The following KIF6 variants were observed in gnomAD, a reference collection of about 807,000 sequenced individuals.
The protein encoded by KIF6 is kinesin family member 6.
KIF6 carries 106 observed loss-of-function variants against 112.7 expected under a neutral mutation model. That is an observed-to-expected ratio of 0.94 (90% CI 0.80 to 1.11). The LOEUF is 1.11. KIF6 is among the 50% of genes least tolerant of loss of function. The pLI, the probability that KIF6 is intolerant of heterozygous loss-of-function variation, is 0.00. For synonymous variants in KIF6, 339 were observed against 339.9 expected, an observed-to-expected ratio of 1.00 and a Z score of 0.03; for missense variants, 929 against 964.0, an observed-to-expected ratio of 0.96 and a Z score of 0.48.
At chr6:39,618,945 A>G (rs1036349346) in intron 5 of KIF6, among the ~76,000 whole-genome samples, 5 of 152,340 alleles carry the variant, frequency 3.3e-5, no homozygotes, top group Non-Finnish European at 7.3e-5. Context: ...TCTTTCTGAA[A>G]TGCACAAAAC....
intron 13 of KIF6, among the ~76,000 whole-genome samples, chr6:39,486,003 G>A (rs1009411475): frequency 3.3e-5 from 5 of 152,176 alleles, no homozygotes; most frequent in African/African-American, 9.7e-5. Context: ...TGTGGGATTC[G>A]AATTCAGACA....
intron 10 of KIF6, among the ~76,000 whole-genome samples, chr6:39,563,635 G>A (rs1056933877): frequency 4.6e-5 from 7 of 152,084 alleles, no homozygotes; most frequent in Non-Finnish European, 8.8e-5. Context: ...TGTGTCCTTA[G>A]GGACAAATTT....
In KIF6 at chr6:39,369,208, C is replaced by T. The variant is rs141156097; in HGVS notation, c.1862-6690G>A. 4.6e-3 allele frequency among the ~76,000 whole-genome samples: 702 copies of T among 152,326 alleles called. 4 individuals are homozygous for T. The highest frequency in any genetic ancestry group is 0.016 in the African/African-American group (646 of 41,576). ...TTTCCTGTTTAATGGCTCAAATTTACTGTCAGCTGGAGCCGTCACATGCCG... is the reference window on the plus strand; with the variant it reads ...TTTCCTGTTTAATGGCTCAAATTTATTGTCAGCTGGAGCCGTCACATGCCG... On this transcript the variant is annotated intron_variant, in intron 16 of 22. Coordinates refer to ENST00000287152, the MANE Select transcript of KIF6 (RefSeq NM_145027.6).
At chr6:39,503,880 A>AAAAAAGG (rs1776282927) in intron 13 of KIF6, among the ~76,000 whole-genome samples, 2 of 151,048 alleles carry the variant, frequency 1.3e-5, no homozygotes, top group East Asian at 3.9e-4. Context: ...AAGAAAAAAG[A>AAAAAAGG]AAAAGCCCAG....
At chr6:39,364,984 T>G (rs1479633926) in intron 16 of KIF6, among the ~76,000 whole-genome samples, 1 of 152,232 alleles carries the variant, frequency 6.6e-6, no homozygotes, top group Non-Finnish European at 1.5e-5. Flanking sequence ...AATAAGTGAT[T>G]GTTAAAATGC....
chr6:39,386,078 A>G (rs748836606), intron 15 of KIF6, among the ~76,000 whole-genome samples: 1 of 152,212 alleles, frequency 6.6e-6, no homozygotes, highest in Non-Finnish European at 1.5e-5. Flanking sequence ...GCTACATGAA[A>G]CTGTGTCAAA....
intron 14 of KIF6, among the ~76,000 whole-genome samples, chr6:39,428,543 T>G (rs1770923172): frequency 6.6e-6 from 1 of 152,206 alleles, no homozygotes; most frequent in African/African-American, 2.4e-5. Context: ...CACTTTATTT[T>G]CTTCCCTATC....
At chr6:39,346,260 T>C (rs182965476) in intron 20 of KIF6, 281 of 674,624 alleles carry the variant, frequency 4.2e-4, no homozygotes, top group Admixed American at 1.3e-3. Flanking sequence ...GGACTGGAGG[T>C]TTGTGTCCCT....
In KIF6 at chr6:39,384,649, C is replaced by T. The variant is rs115760514; in HGVS notation, c.1861+973G>A. On this transcript the variant is annotated intron_variant, in intron 16 of 22. Coordinates refer to ENST00000287152, the MANE Select transcript of KIF6 (RefSeq NM_145027.6). Reference sequence around the variant, plus strand: ...AAATTACCAAAGTCAAATGAGCCATCGTCATGACTTTAGAGGCTCTCCTCT... The same window carrying T: ...AAATTACCAAAGTCAAATGAGCCATTGTCATGACTTTAGAGGCTCTCCTCT... Among the ~76,000 whole-genome samples the T allele has an allele frequency of 5.8e-3, 883 of 152,312 alleles. 11 individuals are homozygous for T. Among genetic ancestry groups the T allele is most frequent in the African/African-American group, 0.02 (822 of 41,564 alleles).
In KIF6 at chr6:39,547,570, T is replaced by C. The variant is rs541791659; in HGVS notation, c.1182-1882A>G. 2.6e-5 allele frequency among the ~76,000 whole-genome samples: 4 copies of C among 152,290 alleles called. No individual in the cohort carries two copies. In the South Asian group the frequency reaches 8.3e-4, roughly 32 times the overall value. On this transcript the variant is annotated intron_variant, in intron 10 of 22. Transcript: ENST00000287152. ...CTGCCACCATTCCCCTCCACCTTTT[T>C]TTAAAAAAATTTGATACCTTGGGAA... is the stretch of plus-strand genomic sequence containing the variant.
intron 13 of KIF6, among the ~76,000 whole-genome samples, chr6:39,488,030 C>A (rs1403598984): frequency 9.5e-6 from 1 of 105,308 alleles, no homozygotes; most frequent in African/African-American, 4.4e-5. Context: ...TCCATCCACT[C>A]ATCTAAAATA....
At chr6:39,422,271 C>G (rs1770426799) in intron 14 of KIF6, among the ~76,000 whole-genome samples, 1 of 152,246 alleles carries the variant, frequency 6.6e-6, no homozygotes, top group East Asian at 1.9e-4. Context: ...GGGATGGAGT[C>G]CCCCAGCCTT....
chr6:39,397,798 C>T (rs1768385073), intron 15 of KIF6, among the ~76,000 whole-genome samples: 1 of 151,988 alleles, frequency 6.6e-6, no homozygotes, highest in Non-Finnish European at 1.5e-5. Flanking sequence ...AATGAGTGAG[C>T]AGGGGGAGCG....
intron 3 of KIF6, among the ~76,000 whole-genome samples, chr6:39,666,650 G>T (rs189010333): frequency 1.3e-5 from 2 of 152,318 alleles, no homozygotes; most frequent in African/African-American, 4.8e-5. Context: ...CCAGAAAGTT[G>T]CTGAGCTTCT....
chr6:39,427,128 C>A (rs1370649362), intron 14 of KIF6, among the ~76,000 whole-genome samples: 1 of 152,132 alleles, frequency 6.6e-6, no homozygotes, highest in Admixed American at 6.5e-5. Flanking sequence ...AGAGATGAGG[C>A]AGGAAGCCAT....
In KIF6 at chr6:39,721,964, A is replaced by T. The variant is rs1048281622; in HGVS notation, c.67-1153T>A. Among the ~76,000 whole-genome samples the T allele has an allele frequency of 3.3e-5, 5 of 152,280 alleles. No homozygotes were observed. The East Asian group carries it at 9.6e-4, about 29-fold the overall frequency. The stretch of plus-strand genomic sequence containing the variant: ...TAAAAGCCTACCTAAATCTCCAGAA[A>T]GTTTGAATATTTTCCTAAGTATATT... On this transcript the variant is annotated intron_variant, in intron 1 of 22. Coordinates refer to ENST00000287152, the MANE Select transcript of KIF6 (RefSeq NM_145027.6).
At chr6:39,688,909 C>T (rs940665037) in intron 3 of KIF6, among the ~76,000 whole-genome samples, 1 of 152,120 alleles carries the variant, frequency 6.6e-6, no homozygotes, top group African/African-American at 2.4e-5. Context: ...GTAAATCCAG[C>T]CTGGGTAGCA....
chr6:39,433,213 CA>C (rs1246424755), intron 13 of KIF6, among the ~76,000 whole-genome samples: 1 of 152,216 alleles, frequency 6.6e-6, no homozygotes, highest in Non-Finnish European at 1.5e-5. Flanking sequence ...ACGAACAACA[CA>C]AAAGTAAGTG....
intron 14 of KIF6, among the ~76,000 whole-genome samples, chr6:39,426,162 A>G (rs1035489467): frequency 3.3e-5 from 5 of 152,246 alleles, no homozygotes; most frequent in Non-Finnish European, 4.4e-5. Context: ...TTTGCCAAGC[A>G]TGGGGTTTCC....
Sources: gnomAD v4.1 joint callset for allele counts (sites outside exome capture counted in the v4.1 genomes callset) on GRCh38, gnomAD v4.1.1 for gene constraint, MANE v1.5 for transcripts, NCBI Gene and HGNC (gene_info 2026-07-23, HGNC 2026-07-21) for gene names.